Variants in MTO1 observed in about 807,000 individuals in gnomAD.
MTO1 encodes 5-taurinomethyluridine-[tRNA] synthase subunit MTO1, mitochondrial.
A neutral mutation model predicts 71.6 loss-of-function variants in MTO1; 46 were observed. That is an observed-to-expected ratio of 0.64 (90% CI 0.51 to 0.82). The LOEUF (loss-of-function observed/expected upper bound fraction) is 0.82. Among genes scored for constraint, MTO1 ranks in the 40% least tolerant of loss-of-function variants. MTO1 has a pLI of 0.00. For synonymous variants in MTO1, 297 were observed against 312.1 expected (o/e 0.95, Z 0.51); for missense variants, 773 against 867.5 (o/e 0.89, Z 1.37).
chr6:73,500,505 T>C, intron 11 of MTO1, 69 bp from the exon 12 acceptor site: 1 of 1,380,418 alleles, frequency 7.2e-7, no homozygotes, highest in Non-Finnish European at 9.9e-7. Flanking sequence ...AGATTGTTAT[T>C]TGGAGGAAAA....
At chr6:73,476,378 C>CAAAAAA (rs869185503) in intron 4 of MTO1, among the ~76,000 whole-genome samples, 5 of 62,910 alleles carry the variant, frequency 7.9e-5, no homozygotes, top group Admixed American at 1.8e-4. Context: ...GACTCCATCT[C>CAAAAAA]AAAAAAAAAA....
At position 73,489,077 on chromosome 6, in the gene MTO1, C is replaced by A. The variant is rs188912068; in HGVS notation, c.1638-3157C>A. Among the ~76,000 whole-genome samples the A allele has an allele frequency of 3.7e-3, 563 of 152,272 alleles. 4 individuals carry two copies. The highest frequency in any genetic ancestry group is 0.013 in the African/African-American group (540 of 41,576). ...CTTCTAGAAATTTTATACCTTAAGG[C>A]CTTTCCTTAGGTCTTTAATACATAT... is the stretch of plus-strand genomic sequence containing the variant. On this transcript the variant is annotated intron_variant, in intron 9 of 11. Coordinates refer to ENST00000498286, the MANE Select transcript of MTO1 (RefSeq NM_012123.4).
In MTO1 at chr6:73,507,793, T is replaced by A. The variant is rs577161256; in HGVS notation, c.*7058T>A. ...GAAATAGAGACCATCCTGGCTAACATGGTGAAACCCCGTGTCTACTAAAAA... is the reference window on the plus strand; with the variant it reads ...GAAATAGAGACCATCCTGGCTAACAAGGTGAAACCCCGTGTCTACTAAAAA... On this transcript the variant is annotated 3_prime_UTR_variant, in exon 12 of 12. Transcript: ENST00000498286. The A allele has an allele frequency of 5.3e-5, 8 of 152,244 alleles. No individual in the cohort carries two copies. The East Asian group carries it at 7.7e-4, about 15-fold the overall frequency. 9.4% of individuals were successfully genotyped at this position (152,244 alleles called of 1,614,324 possible). A position where few individuals can be genotyped will look rare whatever the true frequency, so the allele number is the denominator to read the frequency against.
intron 4 of MTO1, among the ~76,000 whole-genome samples, chr6:73,476,095 G>A (rs1314379249): frequency 2.6e-5 from 4 of 151,974 alleles, no homozygotes; most frequent in African/African-American, 9.7e-5. Context: ...GGGCGTGGTG[G>A]CTCATGCCTG....
intron 1 of MTO1, among the ~76,000 whole-genome samples, chr6:73,462,814 G>T (rs1208306097): frequency 6.6e-6 from 1 of 151,982 alleles, no homozygotes; most frequent in Non-Finnish European, 1.5e-5. Context: ...TTAGAGACAG[G>T]GTCTCGCCAT....
intron 6 of MTO1, 110 bp from the exon 7 acceptor site, chr6:73,480,565 T>C: frequency 7.2e-7 from 1 of 1,382,368 alleles, no homozygotes; most frequent in Non-Finnish European, 1.0e-6. Flanking sequence ...CCACTGCTCC[T>C]GACCTAAATA....
rs1772224564 is a variant in MTO1, at chr6:73,503,983, A to T, written c.*3248A>T. On this transcript the variant is annotated 3_prime_UTR_variant, in exon 12 of 12. Coordinates refer to ENST00000498286, the MANE Select transcript of MTO1 (RefSeq NM_012123.4). ...AATGCCCTGTCCAGAAGAAGTGGTC[A>T]GGAGTATCAGGAAAGCCACCAGCAG... is the stretch of plus-strand genomic sequence containing the variant. 1 of 152,224 alleles carries T rather than the reference A, an allele frequency of 6.6e-6. No individual in the cohort carries two copies. The highest frequency in any genetic ancestry group is 1.5e-5 in the Non-Finnish European group (1 of 68,050). The allele number at this position is 152,224 out of a possible 1,614,324, so 9.4% of individuals were successfully genotyped here. A position where few individuals can be genotyped will look rare whatever the true frequency, so the allele number is the denominator to read the frequency against.
At chr6:73,482,856 A>T (rs1162243833) in intron 9 of MTO1, among the ~76,000 whole-genome samples, 1 of 130,168 alleles carries the variant, frequency 7.7e-6, no homozygotes, top group Admixed American at 9.6e-5. Flanking sequence ...CAGTGGTGCG[A>T]TCTCGGCTCA....
Position 73,492,231 on chromosome 6 carries a change from C to T in MTO1, c.1638-3C>T. On this transcript the variant is annotated splice_polypyrimidine_tract_variant and splice_region_variant and intron_variant, in intron 9 of 11. Coordinates refer to ENST00000498286, the MANE Select transcript of MTO1 (RefSeq NM_012123.4). ...TGTTAATGAAACTTTCATATATTTG[C>T]AGAGCTCTCGATGTTCTGAAGTATG... 1 of 1,591,354 alleles carries T rather than the reference C, an allele frequency of 6.3e-7. No homozygotes were observed. Among genetic ancestry groups the T allele is most frequent in the Non-Finnish European group, 8.6e-7 (1 of 1,159,686 alleles).
At chr6:73,466,724 C>A in intron 3 of MTO1, 118 bp downstream of exon 3, 1 of 816,152 alleles carries the variant, frequency 1.2e-6, no homozygotes, top group South Asian at 1.7e-5. Flanking sequence ...TGCATTTTCT[C>A]TACCTGGATG....
intron 4 of MTO1, among the ~76,000 whole-genome samples, chr6:73,474,399 A>C (rs1412115812): frequency 6.6e-6 from 1 of 152,084 alleles, no homozygotes; most frequent in African/African-American, 2.4e-5. Flanking sequence ...AGTAATCTCT[A>C]AAAGGGATTA....
chr6:73,481,520 ACT>A (rs1469788791), intron 7 of MTO1, among the ~76,000 whole-genome samples: 1 of 152,036 alleles, frequency 6.6e-6, no homozygotes. Context: ...TAATCCCAGC[ACT>A]CTGGGAGGCT....
At chr6:73,500,034 CTG>C (rs572931486) in intron 11 of MTO1, among the ~76,000 whole-genome samples, 11 of 152,130 alleles carry the variant, frequency 7.2e-5, no homozygotes, top group Non-Finnish European at 1.2e-4. Context: ...GGGGCTTACT[CTG>C]TCACCCAGGC....
rs1184680964 is a variant in MTO1 at position 73,466,547 on chromosome 6, T to C, written c.476T>C (p.Ile159Thr). The change falls in exon 3 of 12, where the codon ATT becomes ACT. Residue 159 changes from isoleucine to threonine, a missense_variant. Coordinates refer to ENST00000498286, the MANE Select transcript of MTO1 (RefSeq NM_012123.4). ...CAGGAGGGAGCTGTAGAAGATCTTA[T>C]TCTTACAGAACCAGAGCCTGAACAC... ...TVQEGAVEDL[I>T]LTEPEPEHTG... The C allele has an allele frequency of 3.7e-6, 6 of 1,614,056 alleles. No homozygotes were observed. The East Asian group carries it at 1.3e-4, about 36-fold the overall frequency.
At chr6:73,483,425 CAT>C (rs369748414) in intron 9 of MTO1, among the ~76,000 whole-genome samples, 16 of 150,250 alleles carry the variant, frequency 1.1e-4, no homozygotes, top group South Asian at 8.4e-4. Flanking sequence ...GAAAAAATCA[CAT>C]ATATATATAT....
Position 73,492,247 on chromosome 6 carries a change from C to A in MTO1, c.1651C>A (p.Leu551Met). Residue 551 changes from leucine to methionine, a missense_variant, in exon 10 of 12, where the codon CTG becomes ATG. Physicochemically the swap from Leu to Met is conservative, Grantham distance 15. Transcript: ENST00000498286. ...ATATATTTGCAGAGCTCTCGATGTT[C>A]TGAAGTATGAGGAAGTTGACATGGA... ...RSLPVRALDV[L>M]KYEEVDMDSL... 6.2e-7 allele frequency: 1 copy of A among 1,611,422 alleles called. No homozygotes were observed. The highest frequency in any genetic ancestry group is 1.1e-5 in the South Asian group (1 of 90,990).
chr6:73,479,694 T>G (rs1325175229), intron 4 of MTO1, 38 bp from the exon 5 acceptor site: 5 of 1,496,772 alleles, frequency 3.3e-6, no homozygotes, highest in Non-Finnish European at 4.6e-6. Context: ...AACTAGTAGA[T>G]AAGCAAATCA....
chr6:73,484,033 CCT>C (rs1399906069), intron 9 of MTO1, among the ~76,000 whole-genome samples: 1 of 152,056 alleles, frequency 6.6e-6, no homozygotes, highest in Non-Finnish European at 1.5e-5. Flanking sequence ...CCTGCCTTGG[CCT>C]CTCAAAGTGC....
intron 9 of MTO1, among the ~76,000 whole-genome samples, chr6:73,488,543 A>G (rs1418974230): frequency 1.3e-5 from 2 of 152,094 alleles, no homozygotes; most frequent in East Asian, 3.8e-4. Context: ...TATATGATTT[A>G]CAAATATTTT....
Sources: allele counts gnomAD v4.1 joint callset (sites outside exome capture counted in the v4.1 genomes callset), GRCh38; gene constraint gnomAD v4.1.1; transcripts MANE v1.5; gene names NCBI Gene and HGNC (gene_info 2026-07-23, HGNC 2026-07-21).